The following ARRB1 variants were observed in gnomAD, a reference collection of about 807,000 sequenced individuals.
ARRB1 encodes arrestin beta 1, also known as beta-arrestin-1.
ARRB1 carries 21 observed loss-of-function variants against 56.8 expected under a neutral mutation model. The ratio of observed to expected loss-of-function variants is 0.37; its 90% CI spans 0.26 to 0.53. ARRB1 has a LOEUF of 0.53. Ranked by LOEUF, ARRB1 falls within the 20% of genes least tolerant of loss-of-function variation. ARRB1 has a pLI of 0.88. For missense variants in ARRB1, 424 were observed against 553.7 expected (o/e 0.77, Z 2.35); for synonymous variants, 210 against 218.6 (o/e 0.96, Z 0.35).
At chr11:75,273,092 C>T (rs1591895523) in intron 11 of ARRB1, 114 bp from the exon 12 acceptor site, 3 of 843,348 alleles carry the variant, frequency 3.6e-6, no homozygotes, top group Non-Finnish European at 5.8e-6. Context: ...GCTAGCCACT[C>T]AGCTACCATG....
At position 75,343,096 on chromosome 11, in the gene ARRB1, G is replaced by A. The variant is rs113384806; in HGVS notation, c.20+8492C>T. 3.7e-3 allele frequency among the ~76,000 whole-genome samples: 559 copies of A among 152,292 alleles called. 14 individuals carry two copies. Among genetic ancestry groups the A allele is most frequent in the African/African-American group, 0.013 (521 of 41,552 alleles). On this transcript the variant is annotated intron_variant, in intron 1 of 15. Transcript: ENST00000420843. ...GAGCTCAGCGGCATGCCAGGTCTGC[G>A]CAGGTGCTGGGGACAAGCAGATCCA...
chr11:75,286,685 T>C (rs1326962577), intron 3 of ARRB1, among the ~76,000 whole-genome samples: 1 of 152,122 alleles, frequency 6.6e-6, no homozygotes, highest in Non-Finnish European at 1.5e-5. Flanking sequence ...AACAAAGAAC[T>C]ATCCAATCCA....
chr11:75,289,304 T>A (rs1160724064), intron 2 of ARRB1, among the ~76,000 whole-genome samples: 3 of 152,222 alleles, frequency 2.0e-5, no homozygotes, highest in Non-Finnish European at 2.9e-5. Flanking sequence ...CCTACAATGC[T>A]GTTTTCACCT....
intron 1 of ARRB1, among the ~76,000 whole-genome samples, chr11:75,300,967 C>CAAAA (rs149559322): frequency 4.2e-4 from 32 of 76,704 alleles, no homozygotes; most frequent in African/African-American, 1.0e-3. Flanking sequence ...GACTCCGTCT[C>CAAAA]AAAAAAAAAA....
intron 6 of ARRB1, chr11:75,281,723 C>T (rs573587360): frequency 7.9e-5 from 42 of 533,040 alleles, no homozygotes; most frequent in Admixed American, 1.3e-4. Flanking sequence ...TTGCAGCCAA[C>T]GCCACCCAGG....
intron 1 of ARRB1, 81 bp from the exon 2 acceptor site, chr11:75,290,120 A>T (rs1388371313): frequency 1.9e-6 from 3 of 1,575,844 alleles, no homozygotes; most frequent in Non-Finnish European, 2.6e-6. Context: ...TTGAGGCAGG[A>T]CTGGGGACCA....
intron 1 of ARRB1, among the ~76,000 whole-genome samples, chr11:75,295,292 A>T (rs558383287): frequency 2.0e-5 from 3 of 151,586 alleles, no homozygotes; most frequent in Non-Finnish European, 4.4e-5. Context: ...GTTCAGAAAC[A>T]CTAAATGGGC....
At chr11:75,318,147 CTTTTTTTTTTTT>C (rs547084580) in intron 1 of ARRB1, among the ~76,000 whole-genome samples, 18 of 76,880 alleles carry the variant, frequency 2.3e-4, no homozygotes, top group Non-Finnish European at 3.7e-4. Flanking sequence ...GCATTTCTAA[CTTTTTTTTTTTT>C]TTTTTTTTTT....
chr11:75,310,121 G>A (rs575530587), intron 1 of ARRB1, among the ~76,000 whole-genome samples: 1 of 152,222 alleles, frequency 6.6e-6, no homozygotes, highest in East Asian at 1.9e-4. Context: ...GGAGAACTGC[G>A]CAAATGGAAA....
intron 13 of ARRB1, among the ~76,000 whole-genome samples, chr11:75,269,748 G>A (rs1314554070): frequency 1.3e-5 from 2 of 152,198 alleles, no homozygotes; most frequent in South Asian, 4.1e-4. Context: ...CTGGGACATT[G>A]AGGCATGAGG....
At chr11:75,315,821 A>T (rs1325499080) in intron 1 of ARRB1, among the ~76,000 whole-genome samples, 1 of 152,124 alleles carries the variant, frequency 6.6e-6, no homozygotes. Flanking sequence ...CCCCACAAAC[A>T]CCTGCCCTGG....
At chr11:75,270,581 C>T (rs548424029) in intron 13 of ARRB1, among the ~76,000 whole-genome samples, 16 of 151,136 alleles carry the variant, frequency 1.1e-4, no homozygotes, top group South Asian at 8.4e-4. Context: ...GAGCCAAGAT[C>T]GTGCCACTGC....
rs35873227 is a variant in ARRB1 at position 75,267,611 on chromosome 11, G to A, written c.1145+41C>T. 3.5e-3 allele frequency: 3,070 copies of A among 866,282 alleles called. 9 individuals carry two copies. Among genetic ancestry groups the A allele is most frequent in the Non-Finnish European group, 5.2e-3 (2,909 of 554,722 alleles). 53.7% of individuals were successfully genotyped at this position (866,282 alleles called of 1,614,324 possible). A position where few individuals can be genotyped will look rare whatever the true frequency, so the allele number is the denominator to read the frequency against. On this transcript the variant is annotated intron_variant, in intron 15 of 15. Coordinates refer to ENST00000420843, the MANE Select transcript of ARRB1 (RefSeq NM_004041.5). The stretch of plus-strand genomic sequence containing the variant: ...ATGACCCCCTCCACCCCGCCCACCC[G>A]CGGCCCACCCCCGGATGTCTGCAGG...
At chr11:75,301,313 G>C (rs1053494874) in intron 1 of ARRB1, among the ~76,000 whole-genome samples, 1 of 152,210 alleles carries the variant, frequency 6.6e-6, no homozygotes, top group African/African-American at 2.4e-5. Context: ...TGTGCCCCAA[G>C]TGCCTGGGAG....
At chr11:75,319,098 C>T (rs557597150) in intron 1 of ARRB1, among the ~76,000 whole-genome samples, 25 of 152,286 alleles carry the variant, frequency 1.6e-4, no homozygotes, top group African/African-American at 6.0e-4. Context: ...ATTACGGAGA[C>T]CAGAACTGAA....
chr11:75,305,151 C>A (rs1430261659), intron 1 of ARRB1, among the ~76,000 whole-genome samples: 2 of 150,824 alleles, frequency 1.3e-5, no homozygotes, highest in Non-Finnish European at 3.0e-5. Context: ...GTGACTCAGC[C>A]TCCCAAGTAG....
intron 1 of ARRB1, among the ~76,000 whole-genome samples, chr11:75,344,869 T>C (rs1010499503): frequency 6.6e-6 from 1 of 151,968 alleles, no homozygotes; most frequent in African/African-American, 2.4e-5. Flanking sequence ...ACCAAGTGAG[T>C]TGGTTGTGGG....
At chr11:75,302,127 C>G (rs1416393657) in intron 1 of ARRB1, among the ~76,000 whole-genome samples, 5 of 152,138 alleles carry the variant, frequency 3.3e-5, no homozygotes, top group Non-Finnish European at 7.3e-5. Context: ...CATCCCTGCT[C>G]AAATCTGCCA....
At chr11:75,334,679 C>A (rs192977786) in intron 1 of ARRB1, among the ~76,000 whole-genome samples, 3 of 152,330 alleles carry the variant, frequency 2.0e-5, no homozygotes, top group East Asian at 1.9e-4. Context: ...GTCAGAGAAG[C>A]CTTTCCAGTC....
Sources: gnomAD v4.1 joint callset for allele counts (sites outside exome capture counted in the v4.1 genomes callset) on GRCh38, gnomAD v4.1.1 for gene constraint, MANE v1.5 for transcripts, NCBI Gene and HGNC (gene_info 2026-07-23, HGNC 2026-07-21) for gene names.